PDE1C: variants seen among roughly 807,000 people sequenced by gnomAD.
PDE1C encodes dual specificity calcium/calmodulin-dependent 3',5'-cyclic nucleotide phosphodiesterase 1C.
PDE1C carries 62 observed loss-of-function variants against 93.1 expected under a neutral mutation model. The observed-to-expected ratio is 0.67, with a 90% CI of 0.54 to 0.82. PDE1C has a LOEUF of 0.82. Ranked by LOEUF, PDE1C falls within the 40% of genes least tolerant of loss-of-function variation. The probability of loss-of-function intolerance (pLI) is 0.00; values close to 1 mark genes in which losing one functional copy is unlikely to be tolerated. For missense variants in PDE1C, 742 were observed against 884.6 expected (o/e 0.84, Z 2.04); for synonymous variants, 325 against 310.1 (o/e 1.05, Z -0.50).
At chr7:32,186,635 A>C (rs907015088) in intron 2 of PDE1C, among the ~76,000 whole-genome samples, 21 of 152,130 alleles carry the variant, frequency 1.4e-4, no homozygotes, top group African/African-American at 4.6e-4. Flanking sequence ...TTATATGGAT[A>C]GTTACATAAT....
upstream of PDE1C, among the ~76,000 whole-genome samples, chr7:32,302,624 T>C (rs1177504849): frequency 6.6e-6 from 1 of 152,374 alleles, no homozygotes; most frequent in African/African-American, 2.4e-5. Flanking sequence ...TTCTACTACA[T>C]GTCTCTATAT....
intron 17 of PDE1C, among the ~76,000 whole-genome samples, chr7:31,760,218 T>A (rs1419986428): frequency 6.6e-6 from 1 of 152,236 alleles, no homozygotes; most frequent in Admixed American, 6.5e-5. Flanking sequence ...GCCAATAGCA[T>A]GTAGTTTCTC....
At chr7:32,049,422 A>G (rs1584600286) in intron 2 of PDE1C, among the ~76,000 whole-genome samples, 1 of 152,176 alleles carries the variant, frequency 6.6e-6, no homozygotes, top group African/African-American at 2.4e-5. Flanking sequence ...GTTTTGTTTT[A>G]GGCTTTTAGC....
intron 7 of PDE1C, among the ~76,000 whole-genome samples, chr7:31,851,095 C>T (rs201336110): frequency 3.6e-4 from 4 of 11,072 alleles, no homozygotes; most frequent in African/African-American, 5.1e-4. Flanking sequence ...CACACACACA[C>T]ACACATAAAA....
intron 1 of PDE1C, among the ~76,000 whole-genome samples, chr7:32,290,238 C>T (rs1812248929): frequency 6.6e-6 from 1 of 152,188 alleles, no homozygotes; most frequent in South Asian, 2.1e-4. Context: ...AGATCCCTGG[C>T]CTGGTCAGAA....
chr7:32,311,863 C>T (rs1186119309), intron 1 of PDE1C, among the ~76,000 whole-genome samples: 3 of 152,216 alleles, frequency 2.0e-5, no homozygotes, highest in Non-Finnish European at 2.9e-5. Context: ...CATGCCCTCT[C>T]TCGCCACTCC....
At chr7:31,949,878 A>C (rs1234404227) in intron 2 of PDE1C, among the ~76,000 whole-genome samples, 1 of 152,218 alleles carries the variant, frequency 6.6e-6, no homozygotes, top group Non-Finnish European at 1.5e-5. Flanking sequence ...CTGTTATCAT[A>C]AACAGTTGCT....
At chr7:32,295,995 C>G (rs1048025090) in intron 1 of PDE1C, among the ~76,000 whole-genome samples, 4 of 151,378 alleles carry the variant, frequency 2.6e-5, no homozygotes, top group African/African-American at 9.7e-5. Context: ...CCTAAATAGC[C>G]AACAATAGGA....
chr7:31,935,856 G>T (rs1020726154), intron 2 of PDE1C, among the ~76,000 whole-genome samples: 2 of 152,116 alleles, frequency 1.3e-5, no homozygotes, highest in African/African-American at 4.8e-5. Context: ...GGAAGACAAT[G>T]CTAGCAGTAG....
the PDE1C span, among the ~76,000 whole-genome samples, chr7:31,647,660 A>G: frequency 8.2e-6 from 1 of 122,038 alleles, no homozygotes; most frequent in African/African-American, 3.2e-5. Flanking sequence ...AGCAACAGAG[A>G]GAGTCTCCGT....
At chr7:31,796,296 C>T (rs1785298064) in intron 16 of PDE1C, among the ~76,000 whole-genome samples, 1 of 151,058 alleles carries the variant, frequency 6.6e-6, no homozygotes, top group Non-Finnish European at 1.5e-5. Flanking sequence ...TATGTGTGTA[C>T]ATATATATGT....
chr7:32,183,221 C>G (rs939352621), intron 2 of PDE1C, among the ~76,000 whole-genome samples: 3 of 152,156 alleles, frequency 2.0e-5, no homozygotes, highest in Non-Finnish European at 4.4e-5. Flanking sequence ...AATGGCCATA[C>G]TGCCCAAGGT....
chr7:32,059,728 T>C (rs2128706450), intron 1 of PDE1C, among the ~76,000 whole-genome samples: 1 of 152,296 alleles, frequency 6.6e-6, no homozygotes, highest in South Asian at 2.1e-4. Flanking sequence ...CCTTTCCTTC[T>C]AGCTAAAAGC....
At chr7:31,806,986 A>G (rs1786921959) in intron 16 of PDE1C, among the ~76,000 whole-genome samples, 1 of 151,968 alleles carries the variant, frequency 6.6e-6, no homozygotes, top group African/African-American at 2.4e-5. Context: ...ATGACCAAAA[A>G]GAAAAGGATA....
chr7:31,870,995 TA>T (rs1038279229), intron 6 of PDE1C, among the ~76,000 whole-genome samples: 13 of 151,474 alleles, frequency 8.6e-5, no homozygotes, highest in East Asian at 7.7e-4. Context: ...ACTATTAGTA[TA>T]AAAAATAGTA....
intron 1 of PDE1C, among the ~76,000 whole-genome samples, chr7:32,416,654 A>G (rs1785281700): frequency 6.6e-6 from 1 of 151,880 alleles, no homozygotes; most frequent in Admixed American, 6.6e-5. Flanking sequence ...AGGGAAGGTG[A>G]GCATGGGATG....
the PDE1C span, among the ~76,000 whole-genome samples, chr7:31,700,881 C>T: frequency 1.3e-5 from 2 of 152,092 alleles, no homozygotes; most frequent in Non-Finnish European, 2.9e-5. Flanking sequence ...TAATTTAAGC[C>T]TACTGTTTAG....
At chr7:32,022,513 G>A (rs544669284) in intron 2 of PDE1C, among the ~76,000 whole-genome samples, 41 of 152,106 alleles carry the variant, frequency 2.7e-4, no homozygotes, top group Non-Finnish European at 1.5e-5. Context: ...AAATCATGGG[G>A]TGATGGGGAA....
chr7:31,732,477 GT>G, the PDE1C span, among the ~76,000 whole-genome samples: 1 of 152,146 alleles, frequency 6.6e-6, no homozygotes, highest in African/African-American at 2.4e-5. Flanking sequence ...GAAGACTGAG[GT>G]TTCCTGAAGA....
Sources: gnomAD v4.1 joint callset for allele counts (sites outside exome capture counted in the v4.1 genomes callset) on GRCh38, gnomAD v4.1.1 for gene constraint, MANE v1.5 for transcripts, NCBI Gene and HGNC (gene_info 2026-07-23, HGNC 2026-07-21) for gene names.